Variants in ANKS1B observed in about 807,000 individuals in gnomAD.
The protein encoded by ANKS1B is ankyrin repeat and sterile alpha motif domain-containing protein 1B.
ANKS1B carries 36 observed loss-of-function variants against 148.3 expected under a neutral mutation model. The observed-to-expected ratio is 0.24, with a 90% CI of 0.19 to 0.32. The LOEUF (loss-of-function observed/expected upper bound fraction) is 0.32, where lower values mean the gene tolerates loss of function less well. Ranked by LOEUF, ANKS1B falls within the 10% of genes least tolerant of loss-of-function variation. The pLI, the probability that ANKS1B is intolerant of heterozygous loss-of-function variation, is 1.00. For missense variants in ANKS1B, 1,157 were observed against 1,542.6 expected (o/e 0.75, Z 4.19); for synonymous variants, 542 against 560.8 (o/e 0.97, Z 0.47).
chr12:99,500,346 G>A (rs970765180), intron 10 of ANKS1B, among the ~76,000 whole-genome samples: 6 of 152,152 alleles, frequency 3.9e-5, no homozygotes, highest in Admixed American at 1.3e-4. Context: ...GCAGTAGTCA[G>A]GAGGAAACCC....
intron 9 of ANKS1B, among the ~76,000 whole-genome samples, chr12:99,548,932 C>A (rs1188331939): frequency 1.3e-5 from 2 of 151,640 alleles, no homozygotes; most frequent in African/African-American, 4.9e-5. Flanking sequence ...ATTATGAAAC[C>A]AAAATAGATA....
intron 9 of ANKS1B, among the ~76,000 whole-genome samples, chr12:99,527,303 T>C (rs1474056000): frequency 6.6e-6 from 1 of 152,178 alleles, no homozygotes; most frequent in African/African-American, 2.4e-5. Flanking sequence ...AATTAGGGAC[T>C]ATCAAAAAAG....
chr12:99,061,914 T>C (rs1369811703), intron 16 of ANKS1B, among the ~76,000 whole-genome samples: 3 of 152,212 alleles, frequency 2.0e-5, no homozygotes, highest in South Asian at 2.1e-4. Context: ...GTAACAACTA[T>C]GCAAGGGATA....
intron 17 of ANKS1B, among the ~76,000 whole-genome samples, chr12:98,865,853 T>C (rs1448342410): frequency 2.6e-5 from 4 of 151,820 alleles, no homozygotes; most frequent in East Asian, 3.9e-4. Flanking sequence ...ATTGGCTGGG[T>C]AGCTTCAAAA....
chr12:98,918,602 T>G (rs2099797465), intron 17 of ANKS1B, among the ~76,000 whole-genome samples: 1 of 152,314 alleles, frequency 6.6e-6, no homozygotes, highest in Middle Eastern at 3.4e-3. Context: ...TAATATATTC[T>G]TGGATTAAAT....
rs181373436 is a variant in ANKS1B at position 99,799,514 on chromosome 12, A to G, written c.669+6890T>C. On this transcript the variant is annotated intron_variant, in intron 4 of 26. Transcript: ENST00000683438. ...TTTTCTGTCATCCCTACTAGTCTAT[A>G]ACTCCATGGGAGCAGGAAACAAATT... Among the ~76,000 whole-genome samples, 184 of 152,224 alleles carry G rather than the reference A, an allele frequency of 1.2e-3. 1 individual carries two copies. Among genetic ancestry groups the G allele is most frequent in the African/African-American group, 4.4e-3 (181 of 41,550 alleles).
chr12:99,818,463 T>A (rs1022349491), intron 2 of ANKS1B, among the ~76,000 whole-genome samples: 4 of 151,848 alleles, frequency 2.6e-5, no homozygotes, highest in Non-Finnish European at 5.9e-5. Flanking sequence ...AAAAAATTCA[T>A]TGGGACTGTG....
chr12:99,958,071 A>G (rs1382342554), intron 1 of ANKS1B, among the ~76,000 whole-genome samples: 1 of 152,192 alleles, frequency 6.6e-6, no homozygotes, highest in African/African-American at 2.4e-5. Context: ...CCATAGAGAG[A>G]GATCAGGCAA....
At chr12:99,204,635 G>T (rs1273293555) in intron 14 of ANKS1B, among the ~76,000 whole-genome samples, 1 of 152,138 alleles carries the variant, frequency 6.6e-6, no homozygotes, top group African/African-American at 2.4e-5. Flanking sequence ...GTGCCCTATT[G>T]CTTTCAAGTA....
chr12:99,354,483 T>A (rs2091779446), intron 12 of ANKS1B, among the ~76,000 whole-genome samples: 1 of 152,056 alleles, frequency 6.6e-6, no homozygotes, highest in South Asian at 2.1e-4. Context: ...TTTCCTCATG[T>A]TGAGTGTTAA....
chr12:99,387,907 A>G (rs1023393108), intron 12 of ANKS1B, among the ~76,000 whole-genome samples: 1 of 139,060 alleles, frequency 7.2e-6, no homozygotes, highest in Non-Finnish European at 1.6e-5. Context: ...GCATTCCAAG[A>G]TGATGAAAAA....
chr12:99,631,228 C>T (rs2098157352), intron 9 of ANKS1B, among the ~76,000 whole-genome samples: 1 of 152,054 alleles, frequency 6.6e-6, no homozygotes, highest in Non-Finnish European at 1.5e-5. Flanking sequence ...GCCTCCAGAA[C>T]CATAAAATAC....
At chr12:98,775,079 T>C (rs2098656159) in intron 24 of ANKS1B, among the ~76,000 whole-genome samples, 1 of 152,140 alleles carries the variant, frequency 6.6e-6, no homozygotes, top group Non-Finnish European at 1.5e-5. Context: ...TCTGCCATTA[T>C]CTTGATTGGG....
chr12:98,861,065 T>C (rs758913391), intron 17 of ANKS1B, among the ~76,000 whole-genome samples: 19 of 152,112 alleles, frequency 1.2e-4, no homozygotes, highest in Non-Finnish European at 2.4e-4. Flanking sequence ...GACTCAAAAA[T>C]TCCTGACCCT....
chr12:99,227,612 G>A (rs550823075), intron 14 of ANKS1B, among the ~76,000 whole-genome samples: 7 of 152,256 alleles, frequency 4.6e-5, no homozygotes, highest in East Asian at 1.9e-4. Flanking sequence ...GCATCTGGCC[G>A]GGATCTGCAA....
At chr12:99,207,734 T>C (rs985994195) in intron 14 of ANKS1B, among the ~76,000 whole-genome samples, 3 of 152,078 alleles carry the variant, frequency 2.0e-5, no homozygotes, top group Admixed American at 6.6e-5. Flanking sequence ...AAATAAGTAA[T>C]ATTTTTGCTA....
intron 1 of ANKS1B, among the ~76,000 whole-genome samples, chr12:99,929,363 A>G (rs1482490987): frequency 1.3e-5 from 2 of 152,074 alleles, no homozygotes; most frequent in Non-Finnish European, 2.9e-5. Flanking sequence ...GTTCTTGTAA[A>G]TTTGTTTGAG....
chr12:99,060,653 TCACACACACACA>T lies in ANKS1B; in HGVS notation c.2626-7356_2626-7345del, dbSNP rs35515489. ...ATACACACATATACATATATACACA[TCACACACACACA>T]CACACACACACACACACACACACAC... On this transcript the variant is annotated intron_variant, in intron 16 of 26. Transcript: ENST00000683438. Among the ~76,000 whole-genome samples the T allele has an allele frequency of 4.3e-3, 542 of 126,090 alleles. 5 individuals are homozygous for T. The highest frequency in any genetic ancestry group is 0.014 in the African/African-American group (489 of 33,854). The allele number at this position is 126,090 out of a possible 152,430, so 82.7% of individuals were successfully genotyped here. A position where few individuals can be genotyped will look rare whatever the true frequency, so the allele number is the denominator to read the frequency against.
intron 11 of ANKS1B, among the ~76,000 whole-genome samples, chr12:99,426,325 G>GT (rs576913537): frequency 6.6e-6 from 1 of 151,606 alleles, no homozygotes; most frequent in Admixed American, 6.6e-5. Flanking sequence ...TGATATCTCT[G>GT]TTTTTTTAAA....
Sources: allele counts gnomAD v4.1 joint callset (sites outside exome capture counted in the v4.1 genomes callset), GRCh38; gene constraint gnomAD v4.1.1; transcripts MANE v1.5; gene names NCBI Gene and HGNC (gene_info 2026-07-23, HGNC 2026-07-21).